KDM1B: variants seen among roughly 807,000 people sequenced by gnomAD.
The protein encoded by KDM1B is lysine demethylase 1B.
KDM1B carries 63 observed loss-of-function variants against 107.4 expected under a neutral mutation model. The observed-to-expected ratio is 0.59, with a 90% confidence interval of 0.48 to 0.72. The LOEUF (loss-of-function observed/expected upper bound fraction) is 0.72, where lower values mean the gene tolerates loss of function less well. KDM1B is among the 30% of genes least tolerant of loss of function. KDM1B has a pLI of 0.00. For missense variants in KDM1B, 749 were observed against 1,020.8 expected (o/e 0.73, Z 3.63); for synonymous variants, 363 against 363.9 (o/e 1.00, Z 0.03).
chr6:18,183,579 C>T (rs1010474193), intron 7 of KDM1B, among the ~76,000 whole-genome samples: 1 of 152,050 alleles, frequency 6.6e-6, no homozygotes, highest in East Asian at 1.9e-4. Flanking sequence ...GTCTTTCTTA[C>T]TCCTTTGCTT....
chr6:18,221,544 C>G (rs1789744352), intron 21 of KDM1B, among the ~76,000 whole-genome samples: 1 of 152,210 alleles, frequency 6.6e-6, no homozygotes, highest in Non-Finnish European at 1.5e-5. Context: ...AAAAGTCCAT[C>G]TGTGGCTTGG....
intron 5 of KDM1B, among the ~76,000 whole-genome samples, chr6:18,165,850 A>G (rs1785264426): frequency 6.6e-6 from 1 of 152,158 alleles, no homozygotes; most frequent in African/African-American, 2.4e-5. Context: ...TAATAAAAAA[A>G]TAAAAATATT....
rs1363897606 is a variant in KDM1B at position 18,191,316 on chromosome 6, C to T, written c.904C>T (p.Arg302Ter). 7 of 1,550,812 alleles carry T rather than the reference C, an allele frequency of 4.5e-6. No individual in the cohort carries two copies. Among genetic ancestry groups the T allele is most frequent in the African/African-American group, 1.4e-5 (1 of 72,992 alleles). Residue 302 changes from arginine (R) to a stop codon, truncating the protein, a stop_gained, in exon 10 of 22, where the codon CGA becomes TGA. Coordinates refer to ENST00000650836, the MANE Select transcript of KDM1B (RefSeq NM_001364614.2). LOFTEE classifies it high-confidence loss of function. The surrounding 1 kb of genome is among the most constrained non-coding windows in gnomAD (Gnocchi z 5.1). ...GCTCTATGAGTTTCCAGAGTATTCC[C>T]GAGACCCCACCATGTACCTGGCTTT... ...DELYEFPEYS[R>*]DPTMYLALRN...
chr6:18,163,836 G>A (rs1435702854), intron 5 of KDM1B, among the ~76,000 whole-genome samples: 1 of 152,084 alleles, frequency 6.6e-6, no homozygotes, highest in East Asian at 1.9e-4. Flanking sequence ...TTTATGGCCC[G>A]TAATGTAGTG....
intron 21 of KDM1B, among the ~76,000 whole-genome samples, chr6:18,218,882 T>A (rs1323554198): frequency 6.6e-6 from 1 of 151,980 alleles, no homozygotes; most frequent in East Asian, 1.9e-4. Flanking sequence ...AAATTTAATT[T>A]AATTTAATTA....
rs1299293334 is a variant in KDM1B, at chr6:18,209,008, T to C, written c.1866+802T>C. On this transcript the variant is annotated intron_variant, in intron 17 of 21. Transcript: ENST00000650836. This position sits in a 1 kb window ranked among gnomAD's most constrained non-coding sequence, Gnocchi z 4.3. ...AGTCCTGCATTAAAGAAATCTATTT[T>C]ACTTTTATTCTGTGCTCTCCACATT... 6.6e-6 allele frequency among the ~76,000 whole-genome samples: 1 copy of C among 152,132 alleles called. No homozygotes were observed. The highest frequency in any genetic ancestry group is 1.9e-4 in the East Asian group (1 of 5,172).
chr6:18,159,900 C>T lies in KDM1B; in HGVS notation c.5C>T (p.Ala2Val). 6.3e-7 allele frequency: 1 copy of T among 1,598,490 alleles called. No homozygotes were observed. Among genetic ancestry groups the T allele is most frequent in the Non-Finnish European group, 8.5e-7 (1 of 1,171,182 alleles). M[A>V]TPRGRTKKKA... The stretch of plus-strand genomic sequence containing the variant: ...TTTTGCAGATTATTTAATGTAATGG[C>T]AACTCCACGGGGGAGGACAAAGAAA... The change falls in exon 3 of 22, where the codon GCA becomes GTA. Residue 2 changes from alanine to valine, a missense_variant. Ala to Val is a moderately conservative substitution (Grantham distance 64, BLOSUM62 0). Transcript: ENST00000650836. The surrounding 1 kb of genome is among the most constrained non-coding windows in gnomAD (Gnocchi z 4.5).
At chr6:18,221,706 A>G (rs538769183) in intron 21 of KDM1B, among the ~76,000 whole-genome samples, 2 of 152,356 alleles carry the variant, frequency 1.3e-5, no homozygotes, top group African/African-American at 2.4e-5. Context: ...TAGTACTTCA[A>G]GATAGCATAC....
chr6:18,217,531 A>G (rs985036224), intron 20 of KDM1B, among the ~76,000 whole-genome samples: 3 of 151,954 alleles, frequency 2.0e-5, no homozygotes, highest in Non-Finnish European at 4.4e-5. Flanking sequence ...GGCGCCTGCC[A>G]TCATGCCTGG....
At chr6:18,220,626 A>G (rs1344328603) in intron 21 of KDM1B, among the ~76,000 whole-genome samples, 1 of 152,208 alleles carries the variant, frequency 6.6e-6, no homozygotes, top group Non-Finnish European at 1.5e-5. Flanking sequence ...CTCTGTGGCA[A>G]GGGGATAAAG....
At chr6:18,202,299 T>C (rs1046255733) in intron 14 of KDM1B, among the ~76,000 whole-genome samples, 5 of 151,520 alleles carry the variant, frequency 3.3e-5, no homozygotes, top group Non-Finnish European at 7.4e-5. Context: ...CTCGGGAGGC[T>C]GAGGTGGAAG....
At chr6:18,220,046 G>A (rs1456192719) in intron 21 of KDM1B, among the ~76,000 whole-genome samples, 1 of 152,120 alleles carries the variant, frequency 6.6e-6, no homozygotes, top group Non-Finnish European at 1.5e-5. Context: ...GCTAACCTCT[G>A]CCTCCATGGT....
intron 20 of KDM1B, among the ~76,000 whole-genome samples, chr6:18,216,079 TTTTAA>T (rs1227075669): frequency 6.6e-6 from 1 of 152,172 alleles, no homozygotes; most frequent in East Asian, 1.9e-4. Context: ...TTTTATTTCA[TTTTAA>T]TTTATTTATT....
Position 18,187,887 on chromosome 6 carries a change from C to T in KDM1B, c.669C>T (p.Tyr223=). Residue 223 remains tyrosine, a synonymous_variant, in exon 9 of 22, where the codon TAC becomes TAT. Transcript: ENST00000650836. ...DSVAAPLLSA[Y]YPDCVGMSPS... is the part of the protein sequence containing the mutation. Reference sequence around the variant, plus strand: ...TGGCAGCGCCCCTGCTGTCTGCCTACTACCCTGACTGTGTTGGCATGAGCC... The same window carrying T: ...TGGCAGCGCCCCTGCTGTCTGCCTATTACCCTGACTGTGTTGGCATGAGCC... 2 of 1,550,464 alleles carry T rather than the reference C, an allele frequency of 1.3e-6. No individual in the cohort carries two copies. Among genetic ancestry groups the T allele is most frequent in the Non-Finnish European group, 1.7e-6 (2 of 1,146,952 alleles).
In KDM1B at chr6:18,159,974, G is replaced by A. The variant is rs200978983; in HGVS notation, c.79G>A (p.Gly27Ser). 7.5e-6 allele frequency: 12 copies of A among 1,594,280 alleles called. No individual in the cohort carries two copies. The highest frequency in any genetic ancestry group is 1.4e-5 in the African/African-American group (1 of 74,012). Residue 27 changes from glycine to serine, a missense_variant, in exon 3 of 22, where the codon GGT becomes AGT. Physicochemically the swap from Gly to Ser is moderately conservative, Grantham distance 56. Transcript: ENST00000650836. The surrounding 1 kb of genome is among the most constrained non-coding windows in gnomAD (Gnocchi z 4.5). ...GGATAGCCTTCCTTTGAGGAGCTCC[G>A]GTAGGCAGGTAGTGTTCATTTATTC... Reference protein sequence around the residue: ...SPDSLPLRSSGRQAKKKATET... With the variant: ...SPDSLPLRSSSRQAKKKATET...
chr6:18,190,330 C>T (rs866511379), intron 9 of KDM1B, among the ~76,000 whole-genome samples: 5 of 151,850 alleles, frequency 3.3e-5, no homozygotes, highest in Middle Eastern at 3.4e-3. Context: ...CAGTGGCTCA[C>T]GCCTGTAATC....
chr6:18,163,888 A>G (rs918453741), intron 5 of KDM1B, among the ~76,000 whole-genome samples: 5 of 152,046 alleles, frequency 3.3e-5, no homozygotes, highest in African/African-American at 9.7e-5. Flanking sequence ...AAAAATGTGT[A>G]TTTTGCTATT....
intron 16 of KDM1B, 54 bp downstream of exon 16, chr6:18,207,583 A>G (rs1316604827): frequency 4.4e-6 from 7 of 1,606,490 alleles, no homozygotes; most frequent in Admixed American, 1.7e-5. Context: ...GAGGATGTGA[A>G]GTTCTGGGCA....
chr6:18,163,026 T>C, intron 5 of KDM1B, 102 bp downstream of exon 5: 1 of 716,960 alleles, frequency 1.4e-6, no homozygotes, highest in Non-Finnish European at 2.5e-6. Flanking sequence ...GCTTACTGAA[T>C]TATTCAGCTC....
Sources: gnomAD v4.1 joint callset for allele counts (sites outside exome capture counted in the v4.1 genomes callset) on GRCh38, gnomAD v4.1.1 for gene constraint, Gnocchi (gnomAD v3.1) non-coding constraint, MANE v1.5 for transcripts, NCBI Gene and HGNC (gene_info 2026-07-23, HGNC 2026-07-21) for gene names.